ATP2B2: variants seen among roughly 807,000 people sequenced by gnomAD.
ATP2B2 encodes ATPase plasma membrane Ca2+ transporting 2.
Under a neutral mutation model 120.0 loss-of-function variants are expected in ATP2B2, and 15 were observed. That is an observed-to-expected ratio of 0.12 (90% CI 0.08 to 0.19). The LOEUF (loss-of-function observed/expected upper bound fraction) is 0.19, where lower values mean the gene tolerates loss of function less well. Ranked by LOEUF, ATP2B2 falls within the 10% of genes least tolerant of loss-of-function variation. The pLI, the probability that ATP2B2 is intolerant of heterozygous loss-of-function variation, is 1.00. For missense variants in ATP2B2, 1,045 were observed against 1,719.8 expected, an observed-to-expected ratio of 0.61 and a Z score of 6.94; for synonymous variants, 694 against 700.3, an observed-to-expected ratio of 0.99 and a Z score of 0.14.
chr3:10,473,463 C>G (rs780562785), intron 1 of ATP2B2, among the ~76,000 whole-genome samples: 6 of 152,156 alleles, frequency 3.9e-5, no homozygotes, highest in African/African-American at 1.4e-4. Context: ...GAAACCCTGT[C>G]TCTATTAAAA....
intron 2 of ATP2B2, among the ~76,000 whole-genome samples, chr3:10,440,310 T>C (rs2063621100): frequency 6.6e-6 from 1 of 152,030 alleles, no homozygotes; most frequent in Non-Finnish European, 1.5e-5. Context: ...TGGCTCTCCA[T>C]GCACCTGGAG....
chr3:10,337,598 G>A (rs1430396682), intron 22 of ATP2B2, among the ~76,000 whole-genome samples: 1 of 152,146 alleles, frequency 6.6e-6, no homozygotes, highest in Non-Finnish European at 1.5e-5. Context: ...GGCTGGCTAC[G>A]CCCTGCACCT....
intron 1 of ATP2B2, among the ~76,000 whole-genome samples, chr3:10,697,701 A>G (rs1452068828): frequency 1.3e-5 from 2 of 152,226 alleles, no homozygotes; most frequent in Non-Finnish European, 2.9e-5. Flanking sequence ...CTCGACAACT[A>G]AATTGCAACA....
rs1034919367 is a variant in ATP2B2 at position 10,336,270 on chromosome 3, C to T, written c.3420+1906G>A. ...CTCCGCAGGGCCCCCTGAAAGGAGG[C>T]CCCGCTCTTGAAAGTATTGACTACT... is the stretch of plus-strand genomic sequence containing the variant. On this transcript the variant is annotated intron_variant, in intron 22 of 22. Transcript: ENST00000360273. 12 of 1,550,456 alleles carry T rather than the reference C, an allele frequency of 7.7e-6. No individual in the cohort carries two copies. The African/African-American group carries it at 1.5e-4, about 19-fold the overall frequency.
intron 2 of ATP2B2, among the ~76,000 whole-genome samples, chr3:10,583,476 G>T (rs1000442849): frequency 6.6e-6 from 1 of 152,186 alleles, no homozygotes; most frequent in African/African-American, 2.4e-5. Context: ...AGCAGGTATA[G>T]ATCCTTTACC....
At chr3:10,547,085 C>T (rs1045024602) in intron 2 of ATP2B2, among the ~76,000 whole-genome samples, 9 of 152,162 alleles carry the variant, frequency 5.9e-5, no homozygotes, top group East Asian at 1.9e-4. Context: ...CTGTGCCCTC[C>T]GAGACTTTAC....
chr3:10,405,574 G>T (rs1449581896), intron 3 of ATP2B2, among the ~76,000 whole-genome samples: 4 of 152,098 alleles, frequency 2.6e-5, no homozygotes, highest in African/African-American at 9.7e-5. Context: ...TCCTGCTGAG[G>T]TCTCCTCTGG....
intron 1 of ATP2B2, among the ~76,000 whole-genome samples, chr3:10,477,363 TC>T (rs1305191339): frequency 6.6e-6 from 1 of 152,258 alleles, no homozygotes; most frequent in African/African-American, 2.4e-5. Flanking sequence ...TTTAATTTTT[TC>T]ATCTACGTTT....
intron 1 of ATP2B2, among the ~76,000 whole-genome samples, chr3:10,668,440 T>C (rs2071005445): frequency 6.6e-6 from 1 of 152,214 alleles, no homozygotes; most frequent in Non-Finnish European, 1.5e-5. Context: ...GAGCCCATCA[T>C]GAGAATTTTG....
intron 1 of ATP2B2, among the ~76,000 whole-genome samples, chr3:10,496,798 T>C (rs1446682892): frequency 2.0e-5 from 3 of 152,196 alleles, no homozygotes; most frequent in Non-Finnish European, 2.9e-5. Context: ...GATGGGAAAC[T>C]GATGCTCAGA....
intron 2 of ATP2B2, among the ~76,000 whole-genome samples, chr3:10,576,282 C>T (rs2068244972): frequency 6.6e-6 from 1 of 152,194 alleles, no homozygotes; most frequent in Non-Finnish European, 1.5e-5. Flanking sequence ...CATGCTTCTC[C>T]TGCGGCCTCA....
rs4411871 is a variant in ATP2B2 at position 10,373,387 on chromosome 3, G to A, written c.1417-1336C>T. Among the ~76,000 whole-genome samples the A allele has an allele frequency of 2.0e-3, 307 of 152,290 alleles. 2 individuals carry two copies. The highest frequency in any genetic ancestry group is 6.8e-3 in the African/African-American group (281 of 41,582). On this transcript the variant is annotated intron_variant, in intron 11 of 22. Coordinates refer to ENST00000360273, the MANE Select transcript of ATP2B2 (RefSeq NM_001001331.4). ...CCTCAGCCCACCTGTACTCTTTGAA[G>A]AGGGTTTGTCTGTTGGGCTCAAGAA...
chr3:10,385,848 G>A (rs1317566407), intron 7 of ATP2B2, among the ~76,000 whole-genome samples: 6 of 152,232 alleles, frequency 3.9e-5, no homozygotes, highest in African/African-American at 1.4e-4. Flanking sequence ...TCATGCCCTT[G>A]ATTCAGGCCA....
chr3:10,493,175 G>A (rs2066000871), intron 1 of ATP2B2, among the ~76,000 whole-genome samples: 1 of 151,926 alleles, frequency 6.6e-6, no homozygotes, highest in South Asian at 2.1e-4. Flanking sequence ...ACAAACAAGG[G>A]AATAAATACA....
At chr3:10,420,137 G>A (rs531091519) in intron 2 of ATP2B2, among the ~76,000 whole-genome samples, 135 of 152,366 alleles carry the variant, frequency 8.9e-4, no homozygotes, top group African/African-American at 3.2e-3. Context: ...AAGGTGTGTG[G>A]CACAGGCTGA....
At chr3:10,632,851 G>C (rs2069906704) in intron 1 of ATP2B2, among the ~76,000 whole-genome samples, 2 of 152,260 alleles carry the variant, frequency 1.3e-5, no homozygotes, top group Non-Finnish European at 2.9e-5. Flanking sequence ...GTGAGGCCCA[G>C]TGGAACTGCT....
chr3:10,680,107 T>A (rs2071345913), intron 1 of ATP2B2, among the ~76,000 whole-genome samples: 1 of 152,226 alleles, frequency 6.6e-6, no homozygotes, highest in African/African-American at 2.4e-5. Context: ...GTTGGTTACA[T>A]TGTTCTCTGT....
intron 2 of ATP2B2, among the ~76,000 whole-genome samples, chr3:10,440,023 G>A (rs1465291568): frequency 6.9e-6 from 1 of 144,446 alleles, no homozygotes; most frequent in Non-Finnish European, 1.5e-5. Flanking sequence ...GGATCACTGA[G>A]CCCAGGAGGT....
chr3:10,424,100 G>A (rs1475018048), intron 2 of ATP2B2, among the ~76,000 whole-genome samples: 1 of 152,232 alleles, frequency 6.6e-6, no homozygotes, highest in East Asian at 1.9e-4. Context: ...GGCTGGGGCT[G>A]CAGACAGGCC....
Sources: allele counts gnomAD v4.1 joint callset (sites outside exome capture counted in the v4.1 genomes callset), GRCh38; gene constraint gnomAD v4.1.1; transcripts MANE v1.5; gene names NCBI Gene and HGNC (gene_info 2026-07-23, HGNC 2026-07-21).